ITGA6: variants seen among roughly 807,000 people sequenced by gnomAD.
ITGA6 encodes integrin subunit alpha 6, also known as integrin alpha-6.
A neutral mutation model predicts 133.6 loss-of-function variants in ITGA6; 63 were observed. That is an observed-to-expected ratio of 0.47 (90% confidence interval 0.38 to 0.58). ITGA6 has a LOEUF of 0.58. ITGA6 is among the 20% of genes least tolerant of loss of function. The probability of loss-of-function intolerance (pLI) is 0.00; values close to 1 mark genes in which losing one functional copy is unlikely to be tolerated. For synonymous variants in ITGA6, 434 were observed against 482.0 expected (o/e 0.90, Z 1.30); for missense variants, 1,068 against 1,309.4 (o/e 0.82, Z 2.85).
rs777445780 is a variant in ITGA6 at position 172,491,201 on chromosome 2, ATTC to A, written c.2779-14_2779-12del. 3.3e-6 allele frequency: 5 copies of A among 1,533,722 alleles called. No homozygotes were observed. The highest frequency in any genetic ancestry group is 4.5e-6 in the Non-Finnish European group (5 of 1,106,928). ...TTCAGAACAATGTCTTTTGATGACC[ATTC>A]TTCTTTTTCTCTCTAGAACTGTAGC... On this transcript the variant is annotated splice_polypyrimidine_tract_variant and intron_variant, in intron 21 of 25. Transcript: ENST00000684293. The surrounding 1 kb of genome is among the most constrained non-coding windows in gnomAD (Gnocchi z 4.4).
chr2:172,441,546 G>A (rs1356667159), intron 1 of ITGA6, among the ~76,000 whole-genome samples: 1 of 109,632 alleles, frequency 9.1e-6, no homozygotes, highest in African/African-American at 3.5e-5. Context: ...ACAGAGTGGA[G>A]ACGCTGTCTC....
chr2:172,442,871 G>T (rs189231150), intron 1 of ITGA6, among the ~76,000 whole-genome samples: 1 of 151,864 alleles, frequency 6.6e-6, no homozygotes, highest in Non-Finnish European at 1.5e-5. Flanking sequence ...ACTTGTGGGC[G>T]CTGATTTTTT....
chr2:172,490,923 T>C lies in ITGA6; in HGVS notation c.2680-101T>C. On this transcript the variant is annotated intron_variant, in intron 20 of 25. Transcript: ENST00000684293. ...GGAGAGAGGCAAATATTGTTGATTATGTGAATCTGGCACTGTTTGGGAGGA... is the reference window on the plus strand; with the variant it reads ...GGAGAGAGGCAAATATTGTTGATTACGTGAATCTGGCACTGTTTGGGAGGA... 3 of 759,912 alleles carry C rather than the reference T, an allele frequency of 3.9e-6. No individual in the cohort carries two copies. The South Asian group carries it at 4.3e-5, about 11-fold the overall frequency. 47.1% of individuals were successfully genotyped at this position (759,912 alleles called of 1,614,324 possible).
At chr2:172,462,175 T>C (rs1380958023) in intron 1 of ITGA6, among the ~76,000 whole-genome samples, 1 of 152,192 alleles carries the variant, frequency 6.6e-6, no homozygotes, top group Non-Finnish European at 1.5e-5. Flanking sequence ...TCTGCCACCT[T>C]ATCGCGGTGG....
intron 1 of ITGA6, among the ~76,000 whole-genome samples, chr2:172,437,587 G>GATA (rs1684373798): frequency 1.3e-5 from 2 of 152,150 alleles, no homozygotes; most frequent in African/African-American, 4.8e-5. Flanking sequence ...CAGGTTTGGA[G>GATA]TGTCTAGACA....
At chr2:172,489,857 A>G (rs1686847611) in intron 20 of ITGA6, 199 bp downstream of exon 20, 2 of 559,130 alleles carry the variant, frequency 3.6e-6, no homozygotes, top group Admixed American at 3.0e-5. Context: ...CCATTATAGT[A>G]CATAAGGCAG....
chr2:172,501,794 A>T lies in ITGA6; in HGVS notation c.3137A>T (p.Lys1046Met). 6.2e-7 allele frequency: 1 copy of T among 1,612,880 alleles called. No homozygotes were observed. The highest frequency in any genetic ancestry group is 2.2e-5 in the East Asian group (1 of 44,870). Residue 1046 changes from lysine to methionine, a missense_variant, in exon 25 of 26, where the codon AAG becomes ATG. Around this residue, in one of 3 missense-constraint regions of ITGA6, gnomAD observed 609 missense variants for 707.2 expected, o/e 0.86. Transcript: ENST00000684293. ...LWKCGFFKRN[K>M]KDHYDATYHK... Reference sequence around the variant, plus strand: ...TAGTGTGGTTTCTTCAAGAGAAATAAGAAAGATCATTATGATGCCACATAT... The same window carrying T: ...TAGTGTGGTTTCTTCAAGAGAAATATGAAAGATCATTATGATGCCACATAT...
chr2:172,434,423 C>T lies in ITGA6; in HGVS notation c.182+6453C>T, dbSNP rs191086026. On this transcript the variant is annotated intron_variant, in intron 1 of 25. Coordinates refer to ENST00000684293, the MANE Select transcript of ITGA6 (RefSeq NM_000210.4). The stretch of plus-strand genomic sequence containing the variant: ...GCTTAGATAAACAAGGCAAGACGAT[C>T]TCAAACCAGCATACCGATTCCGAGG... 7.2e-5 allele frequency among the ~76,000 whole-genome samples: 11 copies of T among 152,258 alleles called. No homozygotes were observed. In the East Asian group the frequency reaches 1.9e-3, roughly 27 times the overall value.
At chr2:172,434,363 G>A (rs1684230316) in intron 1 of ITGA6, among the ~76,000 whole-genome samples, 1 of 152,180 alleles carries the variant, frequency 6.6e-6, no homozygotes, top group Non-Finnish European at 1.5e-5. Flanking sequence ...AACAGGGTTT[G>A]ATAACCACCA....
At position 172,506,180 on chromosome 2, in the gene ITGA6, T is replaced by TTCACAC. The variant is rs1687554214; in HGVS notation, c.*2113_*2114insCACACT. The TTCACAC allele has an allele frequency of 6.6e-6, 1 of 152,638 alleles. No homozygotes were observed. Among genetic ancestry groups the TTCACAC allele is most frequent in the Non-Finnish European group, 1.5e-5 (1 of 68,040 alleles). The allele number at this position is 152,638 out of a possible 1,614,324, so 9.5% of individuals were successfully genotyped here. On this transcript the variant is annotated 3_prime_UTR_variant, in exon 26 of 26. Coordinates refer to ENST00000684293, the MANE Select transcript of ITGA6 (RefSeq NM_000210.4). ...ATTTGTATAAAAGTGTGAAATAAAT[T>TTCACAC]TTTTATAAAAGTGTTCATTGTTTCG...
intron 1 of ITGA6, among the ~76,000 whole-genome samples, chr2:172,461,674 G>A (rs1023588421): frequency 2.6e-5 from 4 of 152,206 alleles, no homozygotes; most frequent in Non-Finnish European, 4.4e-5. Flanking sequence ...TTTTCACACT[G>A]AACCATCTGG....
chr2:172,486,124 G>A (rs964463338), intron 13 of ITGA6, among the ~76,000 whole-genome samples: 3 of 140,930 alleles, frequency 2.1e-5, no homozygotes, highest in Non-Finnish European at 3.0e-5. Context: ...GCAGTGAGCC[G>A]AGATGGCACC....
intron 10 of ITGA6, 49 bp downstream of exon 10, chr2:172,479,788 A>G: frequency 6.7e-7 from 1 of 1,494,902 alleles, no homozygotes; most frequent in Non-Finnish European, 9.3e-7. Flanking sequence ...TCCCACCTCC[A>G]CTTCATGATG....
At chr2:172,470,427 A>G (rs965415101) in intron 4 of ITGA6, among the ~76,000 whole-genome samples, 1 of 151,020 alleles carries the variant, frequency 6.6e-6, no homozygotes, top group African/African-American at 2.5e-5. Flanking sequence ...AATATGGTTT[A>G]CCTGCTTTAT....
intron 1 of ITGA6, among the ~76,000 whole-genome samples, chr2:172,430,641 A>G (rs571492371): frequency 7.2e-5 from 11 of 152,352 alleles, no homozygotes; most frequent in African/African-American, 2.4e-4. Context: ...TGACTTTTGC[A>G]GAATAATATT....
chr2:172,475,293 C>G (rs1297745120), intron 7 of ITGA6, among the ~76,000 whole-genome samples, 171 bp downstream of exon 7: 1 of 152,072 alleles, frequency 6.6e-6, no homozygotes, highest in South Asian at 2.1e-4. Flanking sequence ...CATGGAGAAA[C>G]TAAAAATACA....
Position 172,488,031 on chromosome 2 carries a change from G to A in ITGA6, c.2395G>A (p.Val799Ile), listed in dbSNP as rs374263738. Residue 799 changes from valine (V) to isoleucine (I), a missense_variant, in exon 18 of 26, where the codon GTC (valine) becomes ATC (isoleucine). By Grantham distance (29) the Val-to-Ile change is conservative. This residue lies in a region of ITGA6 where 609 missense variants were observed against 707.2 expected (regional missense o/e 0.86). Coordinates refer to ENST00000684293, the MANE Select transcript of ITGA6 (RefSeq NM_000210.4). Reference sequence around the variant, plus strand: ...AGTGGTTATTGAACTGCTTTTATCGGTCTCGGGGTAAGTGTTTGTGTTTAG... The same window carrying A: ...AGTGGTTATTGAACTGCTTTTATCGATCTCGGGGTAAGTGTTTGTGTTTAG... ...AKVVIELLLS[V>I]SGVAKPSQVY... 3.1e-6 allele frequency: 5 copies of A among 1,613,814 alleles called. No individual in the cohort carries two copies. In the Admixed American group the frequency reaches 6.7e-5, roughly 22 times the overall value.
Position 172,476,516 on chromosome 2 carries a change from C to G in ITGA6, c.1388+3C>G, listed in dbSNP as rs763660118. 6.7e-7 allele frequency: 1 copy of G among 1,482,300 alleles called. No individual in the cohort carries two copies. Among genetic ancestry groups the G allele is most frequent in the Non-Finnish European group, 9.4e-7 (1 of 1,059,822 alleles). The allele number at this position is 1,482,300 out of a possible 1,614,324, so 91.8% of individuals were successfully genotyped here. On this transcript the variant is annotated splice_donor_region_variant and intron_variant, in intron 9 of 25. Transcript: ENST00000684293. ...TCAGATTCAGTAACTATTTTCAGGTCTGTTATCTATGATTTTAGTGTTAAG... is the reference window on the plus strand; with the variant it reads ...TCAGATTCAGTAACTATTTTCAGGTGTGTTATCTATGATTTTAGTGTTAAG...
chr2:172,442,936 G>A (rs1382827158), intron 1 of ITGA6, among the ~76,000 whole-genome samples: 2 of 151,612 alleles, frequency 1.3e-5, no homozygotes, highest in Non-Finnish European at 2.9e-5. Flanking sequence ...AGTGACCCTC[G>A]TGTCCATGGA....
Sources: allele counts gnomAD v4.1 joint callset (sites outside exome capture counted in the v4.1 genomes callset), GRCh38; gene constraint gnomAD v4.1.1; regional missense constraint gnomAD v4.1.1; non-coding constraint Gnocchi (gnomAD v3.1); transcripts MANE v1.5; gene names NCBI Gene and HGNC (gene_info 2026-07-23, HGNC 2026-07-21).